Variants in BCLAF3 observed in about 807,000 individuals in gnomAD.
BCLAF3 encodes the protein BCLAF1 and THRAP3 family member 3.
BCLAF3 carries 24 observed loss-of-function variants against 51.2 expected under a neutral mutation model. That is an observed-to-expected ratio of 0.47 (90% CI 0.34 to 0.66). BCLAF3 has a LOEUF of 0.66. Ranked by LOEUF, BCLAF3 falls within the 30% of genes least tolerant of loss-of-function variation. The probability of loss-of-function intolerance (pLI) is 0.01; values close to 1 mark genes in which losing one functional copy is unlikely to be tolerated. For synonymous variants in BCLAF3, 152 were observed against 176.6 expected (o/e 0.86, Z 1.10); for missense variants, 465 against 525.1 (o/e 0.89, Z 1.12).
At chrX:19,940,227 G>C (rs1215808768) in intron 8 of BCLAF3, among the ~76,000 whole-genome samples, 3 of 110,181 alleles carry the variant, frequency 2.7e-5, no homozygotes, top group East Asian at 5.6e-4. Context: ...TTTTGGCCAA[G>C]TTATCATGTG....
chrX:19,965,112 C>T lies in BCLAF3; in HGVS notation c.1206G>A (p.Ser402=), dbSNP rs745478701. Residue 402 remains serine, a synonymous_variant, in exon 4 of 12, where the codon TCG becomes TCA. Coordinates refer to ENST00000379682, the MANE Select transcript of BCLAF3 (RefSeq NM_001367774.2). ...GTGATTTCTTCCTAAGATTGATAGG[C>T]GAGGGTTTCACATCAGGAAGTTTTT... ...KSQKLPDVKP[S]PINLRKKSLT... The T allele has an allele frequency of 1.3e-5, 16 of 1,198,728 alleles. No individual in the cohort carries two copies. The African/African-American group carries it at 1.8e-4, about 13-fold the overall frequency.
rs777516919 is a variant in BCLAF3 at position 19,970,258 on chromosome X, G to A, written c.7C>T (p.Arg3Trp). The change falls in exon 2 of 12, where the codon CGG (arginine) becomes TGG (tryptophan). Residue 3 changes from arginine to tryptophan, a missense_variant. Transcript: ENST00000379682. The part of the protein sequence containing the change: MA[R>W]SRSRSPRWKH... The stretch of plus-strand genomic sequence containing the variant: ...CACCTGGGGGATCTAGATCGTGACC[G>A]TGCCATCCTTTGACACGTGAGCCAC... The A allele has an allele frequency of 9.9e-6, 12 of 1,209,975 alleles. No homozygotes were observed. The East Asian group carries it at 3.3e-4, about 33-fold the overall frequency.
At chrX:19,937,014 T>C (rs2070788664) in intron 9 of BCLAF3, among the ~76,000 whole-genome samples, 2 of 111,803 alleles carry the variant, frequency 1.8e-5, no homozygotes, top group South Asian at 7.3e-4. Context: ...TCCCAAAAAA[T>C]CTTTTTTGAA....
chrX:19,928,680 T>C (rs1383677820), intron 11 of BCLAF3, among the ~76,000 whole-genome samples: 2 of 111,695 alleles, frequency 1.8e-5, no homozygotes, highest in African/African-American at 6.5e-5. Flanking sequence ...GGAATCAACC[T>C]CAGTATCAAC....
chrX:19,917,209 A>G lies in BCLAF3; in HGVS notation c.*96T>C, dbSNP rs1166703742. ...AGTTATTTTATCAAGAAGTTACAGT[A>G]TTAGTGCCTTAGTGTCACTTCTAAC... On this transcript the variant is annotated 3_prime_UTR_variant, in exon 12 of 12. Coordinates refer to ENST00000379682, the MANE Select transcript of BCLAF3 (RefSeq NM_001367774.2). The G allele has an allele frequency of 1.3e-6, 1 of 784,748 alleles. No homozygotes were observed. Among genetic ancestry groups the G allele is most frequent in the African/African-American group, 2.1e-5 (1 of 48,192 alleles). The allele number at this position is 784,748 out of a possible 1,213,427, so 64.7% of individuals were successfully genotyped here. A position where few individuals can be genotyped will look rare whatever the true frequency, so the allele number is the denominator to read the frequency against.
intron 1 of BCLAF3, among the ~76,000 whole-genome samples, chrX:19,989,355 G>A (rs2072885472): frequency 9.0e-6 from 1 of 110,921 alleles, no homozygotes; most frequent in Non-Finnish European, 1.9e-5. Flanking sequence ...AATTAGCCGG[G>A]CATGGTGGCA....
intron 8 of BCLAF3, among the ~76,000 whole-genome samples, chrX:19,939,856 C>G (rs754176244): frequency 8.9e-6 from 1 of 111,842 alleles, no homozygotes; most frequent in African/African-American, 3.2e-5. Context: ...TCTGATTCTA[C>G]TTATATCAGA....
intron 1 of BCLAF3, among the ~76,000 whole-genome samples, chrX:19,986,175 A>T (rs1199502985): frequency 8.9e-6 from 1 of 111,789 alleles, no homozygotes; most frequent in Non-Finnish European, 1.9e-5. Flanking sequence ...ATAATAAAGG[A>T]TGTCTTTGTA....
At chrX:19,938,717 G>A (rs1242680279) in intron 8 of BCLAF3, among the ~76,000 whole-genome samples, 1 of 112,527 alleles carries the variant, frequency 8.9e-6, no homozygotes, top group East Asian at 2.8e-4. Flanking sequence ...AAGTACATGT[G>A]GTTCCTGGCA....
chrX:19,986,650 C>T (rs1013018834), intron 1 of BCLAF3, among the ~76,000 whole-genome samples: 2 of 111,451 alleles, frequency 1.8e-5, no homozygotes, highest in Non-Finnish European at 3.8e-5. Flanking sequence ...TAACACATGT[C>T]TTGAGGGCTA....
At chrX:19,936,607 C>T (rs182559169) in intron 9 of BCLAF3, among the ~76,000 whole-genome samples, 4 of 111,550 alleles carry the variant, frequency 3.6e-5, no homozygotes, top group East Asian at 2.8e-4. Context: ...CTTCGAGTGT[C>T]GGCAGGGCCT....
chrX:19,956,224 T>C (rs945488771), intron 4 of BCLAF3, among the ~76,000 whole-genome samples: 1 of 111,962 alleles, frequency 8.9e-6, no homozygotes, highest in Non-Finnish European at 1.9e-5. Flanking sequence ...CCGGCTATCT[T>C]ACCACTTTAA....
intron 1 of BCLAF3, among the ~76,000 whole-genome samples, chrX:19,987,454 A>G (rs947950930): frequency 7.2e-5 from 8 of 111,215 alleles, no homozygotes; most frequent in African/African-American, 2.3e-4. Context: ...ACAGGCATGC[A>G]CCACCACGCC....
At chrX:19,937,755 G>A (rs1018688065) in intron 8 of BCLAF3, among the ~76,000 whole-genome samples, 2 of 112,222 alleles carry the variant, frequency 1.8e-5, no homozygotes, top group East Asian at 2.8e-4. Context: ...TTAGCAATGC[G>A]GAAAAACACT....
intron 8 of BCLAF3, among the ~76,000 whole-genome samples, chrX:19,940,284 T>G (rs909687606): frequency 9.1e-6 from 1 of 109,505 alleles, no homozygotes; most frequent in Non-Finnish European, 1.9e-5. Flanking sequence ...TTATTTTTTT[T>G]TTTTTATTAT....
Position 19,965,314 on chromosome X carries a change from T to C in BCLAF3, c.1004A>G (p.Asp335Gly). ...TTTAAAAGGTTCTTTGACTTGTCCA[T>C]CTTGAGTCTCTCTCCCTCTTCCAGT... Reference protein sequence around the residue: ...FNTGRGRETQDGQVKEPFKPS... With the variant: ...FNTGRGRETQGGQVKEPFKPS... The change falls in exon 4 of 12, where the codon GAT becomes GGT. Residue 335 changes from aspartate (D) to glycine (G), a missense_variant. Asp to Gly is a moderately conservative substitution (Grantham distance 94). Coordinates refer to ENST00000379682, the MANE Select transcript of BCLAF3 (RefSeq NM_001367774.2). 8.3e-7 allele frequency: 1 copy of C among 1,211,840 alleles called. No homozygotes were observed. Among genetic ancestry groups the C allele is most frequent in the Non-Finnish European group, 1.1e-6 (1 of 895,527 alleles).
rs182917891 is a variant in BCLAF3 at position 19,931,107 on chromosome X, C to T, written c.1951-1167G>A. 2.7e-5 allele frequency among the ~76,000 whole-genome samples: 3 copies of T among 112,378 alleles called. No homozygotes were observed. The East Asian group carries it at 8.3e-4, about 31-fold the overall frequency. On this transcript the variant is annotated intron_variant, in intron 10 of 11. Coordinates refer to ENST00000379682, the MANE Select transcript of BCLAF3 (RefSeq NM_001367774.2). ...TTACTTAAAAAGAACACTTCCTAGG[C>T]TGCATATACTGTCCAGCATTACATT...
At chrX:19,950,261 G>A (rs1419711309) in intron 8 of BCLAF3, among the ~76,000 whole-genome samples, 1 of 111,721 alleles carries the variant, frequency 9.0e-6, no homozygotes, top group Non-Finnish European at 1.9e-5. Flanking sequence ...CAATTTCATG[G>A]ACGACATCCA....
chrX:19,976,484 G>C lies in BCLAF3; in HGVS notation c.-34-6186C>G, dbSNP rs760132047. On this transcript the variant is annotated intron_variant, in intron 1 of 11. Coordinates refer to ENST00000379682, the MANE Select transcript of BCLAF3 (RefSeq NM_001367774.2). ...CGGCTCCCTGCAGCCTCCGCCTCTC[G>C]GGTTCCAGCGATTCTCCTGCCTCAG... 5.6e-3 allele frequency among the ~76,000 whole-genome samples: 624 copies of C among 110,884 alleles called. 5 individuals are homozygous for C. Among genetic ancestry groups the C allele is most frequent in the African/African-American group, 0.019 (589 of 30,517 alleles).
Sources: allele counts gnomAD v4.1 joint callset (sites outside exome capture counted in the v4.1 genomes callset), GRCh38; gene constraint gnomAD v4.1.1; transcripts MANE v1.5; gene names NCBI Gene and HGNC (gene_info 2026-07-23, HGNC 2026-07-21).